The following HHLA1 variants were observed in gnomAD, a reference collection of about 807,000 sequenced individuals.
HHLA1 encodes the protein HHLA1 neighbor of OC90.
Under a neutral mutation model 69.9 loss-of-function variants are expected in HHLA1, and 72 were observed. The observed-to-expected ratio is 1.03, with a 90% CI of 0.85 to 1.25. The LOEUF (loss-of-function observed/expected upper bound fraction) is 1.25, where lower values mean the gene tolerates loss of function less well. Ranked by LOEUF, HHLA1 falls within the 50% of genes most tolerant of loss-of-function variation. HHLA1 has a pLI of 0.00. For synonymous variants in HHLA1, 252 were observed against 233.2 expected, an observed-to-expected ratio of 1.08 and a Z score of -0.73; for missense variants, 685 against 642.2, an observed-to-expected ratio of 1.07 and a Z score of -0.72.
intron 15 of HHLA1, among the ~76,000 whole-genome samples, chr8:132,071,117 C>T (rs1233527450): frequency 6.6e-6 from 1 of 152,192 alleles, no homozygotes; most frequent in Admixed American, 6.5e-5. Context: ...TCAGGCACTG[C>T]ACTTGGTTCT....
chr8:132,078,682 A>G (rs949261622), intron 11 of HHLA1, among the ~76,000 whole-genome samples: 47 of 151,926 alleles, frequency 3.1e-4, no homozygotes, highest in African/African-American at 1.1e-3. Flanking sequence ...GATCATAACT[A>G]TTGGTTTACT....
chr8:132,085,405 C>T (rs571647266), intron 10 of HHLA1: 58 of 367,364 alleles, frequency 1.6e-4, no homozygotes, highest in Admixed American at 4.8e-4. Context: ...GGCCGCTTAC[C>T]GGATTTGAAA....
chr8:132,068,445 T>C (rs1823476924), intron 15 of HHLA1, among the ~76,000 whole-genome samples: 1 of 152,004 alleles, frequency 6.6e-6, no homozygotes, highest in African/African-American at 2.4e-5. Context: ...GGGAATGGAG[T>C]CAAAGTCCTG....
At chr8:132,065,057 G>T (rs113308447) in intron 16 of HHLA1, among the ~76,000 whole-genome samples, 2,085 of 152,220 alleles carry the variant, frequency 0.014, 38 homozygotes, top group African/African-American at 0.044. Flanking sequence ...CCTTGAGGTA[G>T]TTCAGGTAGA....
rs1418210673 is a variant in HHLA1 at position 132,062,183 on chromosome 8, C to T, written c.*1812G>A. Reference sequence around the variant, plus strand: ...CCTATCCAGGTAGAAGTCCCTTTGCCTCCCAGAAAATTTGCTGTATCCTCT... The same window carrying T: ...CCTATCCAGGTAGAAGTCCCTTTGCTTCCCAGAAAATTTGCTGTATCCTCT... On this transcript the variant is annotated 3_prime_UTR_variant, in exon 17 of 17. Coordinates refer to ENST00000414222, the MANE Select transcript of HHLA1 (RefSeq NM_001145095.3). The T allele has an allele frequency of 1.3e-5, 2 of 152,224 alleles. No homozygotes were observed. The highest frequency in any genetic ancestry group is 4.8e-5 in the African/African-American group (2 of 41,452). The allele number at this position is 152,224 out of a possible 1,614,324, so 9.4% of individuals were successfully genotyped here. A position where few individuals can be genotyped will look rare whatever the true frequency, so the allele number is the denominator to read the frequency against.
At chr8:132,084,096 G>A (rs1375058914) in intron 10 of HHLA1, among the ~76,000 whole-genome samples, 1 of 152,134 alleles carries the variant, frequency 6.6e-6, no homozygotes, top group African/African-American at 2.4e-5. Context: ...TAAAGAAAAA[G>A]GAGCATTAAC....
intron 1 of HHLA1, 42 bp from the exon 2 acceptor site, chr8:132,105,328 G>A (rs1824186141): frequency 1.7e-6 from 2 of 1,211,896 alleles, no homozygotes; most frequent in African/African-American, 3.0e-5. Context: ...TAAGCACATG[G>A]ATGCAGACCT....
In HHLA1 at chr8:132,079,932, C is replaced by T. The variant is rs370948289; in HGVS notation, c.711G>A (p.Lys237=). The change falls in exon 11 of 17, where the codon AAG becomes AAA. Residue 237 remains lysine, a synonymous_variant. Transcript: ENST00000414222. ...AATRGTARTS[K]PTTKSQKTLP... ...GTGTTTTCTGGCTTTTGGTTGTGGG[C>T]TTTGAAGTCCTGGCAGTTCCCCTGG... 1 of 1,552,292 alleles carries T rather than the reference C, an allele frequency of 6.4e-7. No homozygotes were observed. The highest frequency in any genetic ancestry group is 1.2e-5 in the South Asian group (1 of 84,066).
rs372298691 is a variant in HHLA1, at chr8:132,087,919, A to G, written c.533-18T>C. 8 of 1,541,016 alleles carry G rather than the reference A, an allele frequency of 5.2e-6. No individual in the cohort carries two copies. In the African/African-American group the frequency reaches 8.2e-5, roughly 16 times the overall value. ...TTGATTCACTGTAAGACAAACGAGT[A>G]TACAATAAGACTTAGCCATGGGTCT... On this transcript the variant is annotated intron_variant, in intron 8 of 16. Transcript: ENST00000414222.
chr8:132,108,115 T>A (rs180883364), intron 1 of HHLA1, among the ~76,000 whole-genome samples: 1 of 152,334 alleles, frequency 6.6e-6, no homozygotes, highest in East Asian at 1.9e-4. Context: ...GTTGGAGGAC[T>A]GCCTAGGTTT....
chr8:132,070,516 GTTAAC>G (rs1188312670), intron 15 of HHLA1: 19 of 622,054 alleles, frequency 3.1e-5, no homozygotes, highest in Non-Finnish European at 4.9e-5. Flanking sequence ...CATGACACAA[GTTAAC>G]TTAACTCAAC....
At chr8:132,075,292 A>G (rs1285714076) in intron 14 of HHLA1, among the ~76,000 whole-genome samples, 1 of 152,134 alleles carries the variant, frequency 6.6e-6, no homozygotes, top group Admixed American at 6.5e-5. Flanking sequence ...CTGGTGTACA[A>G]AGGTATTCAG....
intron 3 of HHLA1, among the ~76,000 whole-genome samples, chr8:132,102,645 A>G (rs907854314): frequency 2.6e-5 from 4 of 152,232 alleles, no homozygotes; most frequent in African/African-American, 9.6e-5. Context: ...CCAAGGCAAC[A>G]GAGTCCTCCA....
intron 11 of HHLA1, among the ~76,000 whole-genome samples, chr8:132,078,326 G>C (rs1249019139): frequency 3.3e-5 from 5 of 152,126 alleles, no homozygotes; most frequent in African/African-American, 1.2e-4. Context: ...TGTGGGGTCT[G>C]AGGTGAGGAG....
chr8:132,085,111 A>G (rs1823837711), intron 10 of HHLA1, among the ~76,000 whole-genome samples: 1 of 152,170 alleles, frequency 6.6e-6, no homozygotes, highest in Non-Finnish European at 1.5e-5. Context: ...CTAAGGGTGA[A>G]GGACCAAGGC....
At chr8:132,083,783 G>A (rs1823806002) in intron 10 of HHLA1, among the ~76,000 whole-genome samples, 1 of 152,188 alleles carries the variant, frequency 6.6e-6, no homozygotes, top group Admixed American at 6.5e-5. Context: ...TGCTGGAGAT[G>A]TGGCTGGGGT....
chr8:132,063,976 T>G lies in HHLA1; in HGVS notation c.*19A>C. ...ATCCCCTGAAGTAATTGTTATGCCC[T>G]AGTGTTATTTTCAAGGCCTCACACA... On this transcript the variant is annotated 3_prime_UTR_variant, in exon 17 of 17. Coordinates refer to ENST00000414222, the MANE Select transcript of HHLA1 (RefSeq NM_001145095.3). 1 of 1,288,366 alleles carries G rather than the reference T, an allele frequency of 7.8e-7. No individual in the cohort carries two copies. The highest frequency in any genetic ancestry group is 1.0e-6 in the Non-Finnish European group (1 of 975,578). 79.8% of individuals were successfully genotyped at this position (1,288,366 alleles called of 1,614,324 possible).
At chr8:132,091,692 C>T (rs989594503) in intron 7 of HHLA1, among the ~76,000 whole-genome samples, 1 of 152,198 alleles carries the variant, frequency 6.6e-6, no homozygotes, top group African/African-American at 2.4e-5. Context: ...AAGTACAAAA[C>T]CCTTTTTACC....
intron 16 of HHLA1, among the ~76,000 whole-genome samples, chr8:132,065,438 C>T (rs998059104): frequency 1.1e-4 from 16 of 152,324 alleles, no homozygotes; most frequent in African/African-American, 2.2e-4. Flanking sequence ...TCCACCACCA[C>T]GCCTGGCTAG....
Sources: allele counts gnomAD v4.1 joint callset (sites outside exome capture counted in the v4.1 genomes callset), GRCh38; gene constraint gnomAD v4.1.1; transcripts MANE v1.5; gene names NCBI Gene and HGNC (gene_info 2026-07-23, HGNC 2026-07-21).